Variants in GAS7 observed in about 807,000 individuals in gnomAD.
The protein encoded by GAS7 is growth arrest specific 7.
A neutral mutation model predicts 71.1 loss-of-function variants in GAS7; 28 were observed. That is an observed-to-expected ratio of 0.39 (90% CI 0.29 to 0.54). The LOEUF (loss-of-function observed/expected upper bound fraction) is 0.54, where lower values mean the gene tolerates loss of function less well. Among genes scored for constraint, GAS7 ranks in the 20% least tolerant of loss-of-function variants. The probability of loss-of-function intolerance (pLI) is 0.62; values close to 1 mark genes in which losing one functional copy is unlikely to be tolerated. For missense variants in GAS7, 436 were observed against 627.8 expected (o/e 0.69, Z 3.27); for synonymous variants, 258 against 245.8 (o/e 1.05, Z -0.46).
intron 5 of GAS7, among the ~76,000 whole-genome samples, chr17:9,954,604 G>A (rs1378598150): frequency 6.6e-6 from 1 of 152,136 alleles, no homozygotes; most frequent in African/African-American, 2.4e-5. Context: ...TGCCCATCCA[G>A]GGACAATTTT....
intron 1 of GAS7, among the ~76,000 whole-genome samples, chr17:10,079,353 T>G (rs1325027819): frequency 6.6e-6 from 1 of 152,236 alleles, no homozygotes; most frequent in South Asian, 2.1e-4. Flanking sequence ...CTCTAAAGTT[T>G]AACCTGAAAG....
At chr17:10,159,096 ATT>A (rs1213430853) in intron 1 of GAS7, among the ~76,000 whole-genome samples, 18 of 123,794 alleles carry the variant, frequency 1.5e-4, no homozygotes, top group Non-Finnish European at 2.9e-4. Context: ...ATATATATAT[ATT>A]AAAGATAACA....
chr17:10,004,971 T>C (rs528181905), intron 2 of GAS7, among the ~76,000 whole-genome samples: 15 of 152,126 alleles, frequency 9.9e-5, no homozygotes, highest in East Asian at 3.9e-4. Context: ...GATCGCGCCA[T>C]TGCACTCCAG....
At chr17:10,141,942 T>G (rs1287801465) in intron 1 of GAS7, among the ~76,000 whole-genome samples, 1 of 151,808 alleles carries the variant, frequency 6.6e-6, no homozygotes, top group Non-Finnish European at 1.5e-5. Context: ...AAAAGTTACA[T>G]AGTAGGCCGG....
intron 1 of GAS7, among the ~76,000 whole-genome samples, chr17:10,083,055 A>T (rs770313741): frequency 3.9e-5 from 6 of 152,208 alleles, no homozygotes; most frequent in African/African-American, 1.4e-4. Flanking sequence ...TTACACACTG[A>T]CTAATTCAAG....
intron 1 of GAS7, among the ~76,000 whole-genome samples, chr17:10,084,578 T>C (rs549887731): frequency 7.4e-4 from 112 of 152,276 alleles, no homozygotes; most frequent in African/African-American, 2.6e-3. Flanking sequence ...GTGATTCTCC[T>C]GCCTCAGCCT....
intron 1 of GAS7, among the ~76,000 whole-genome samples, chr17:10,099,417 C>T (rs752295358): frequency 8.5e-5 from 13 of 152,092 alleles, no homozygotes; most frequent in Non-Finnish European, 1.6e-4. Context: ...TCTTTCTGGC[C>T]GGTGAAAAGT....
At chr17:10,148,634 A>G (rs941820775) in intron 1 of GAS7, among the ~76,000 whole-genome samples, 18 of 149,112 alleles carry the variant, frequency 1.2e-4, no homozygotes, top group African/African-American at 4.0e-4. Flanking sequence ...AAAAAAGGCC[A>G]GGCGCGGTGG....
chr17:10,146,706 C>T (rs147053649), intron 1 of GAS7, among the ~76,000 whole-genome samples: 38 of 152,254 alleles, frequency 2.5e-4, no homozygotes, highest in Middle Eastern at 3.4e-3. Context: ...GATCTCTGGC[C>T]GGGCGCGGTG....
rs185318753 is a variant in GAS7, at chr17:10,070,660, G to A, written c.184-50763C>T. Among the ~76,000 whole-genome samples the A allele has an allele frequency of 3.2e-4, 48 of 152,132 alleles. No individual in the cohort carries two copies. The East Asian group carries it at 6.8e-3, about 22-fold the overall frequency. On this transcript the variant is annotated intron_variant, in intron 1 of 13. Coordinates refer to ENST00000432992, the MANE Select transcript of GAS7 (RefSeq NM_201433.2). ...ATCACAGGCGTGAGCCACTGTGCCCGGCCTCCCTTCATTCTCTTTCTGTTT... is the reference window on the plus strand; with the variant it reads ...ATCACAGGCGTGAGCCACTGTGCCCAGCCTCCCTTCATTCTCTTTCTGTTT...
Position 9,935,677 on chromosome 17 carries a change from C to A in GAS7, c.807-1433G>T, listed in dbSNP as rs995109965. 2.0e-5 allele frequency among the ~76,000 whole-genome samples: 3 copies of A among 152,206 alleles called. No individual in the cohort carries two copies. The East Asian group carries it at 5.8e-4, about 29-fold the overall frequency. ...CAGCCCTGTGTGGTGGTGGCGCAGG[C>A]TCAGGCCGAGGTGGGTGTTTATGGG... On this transcript the variant is annotated intron_variant, in intron 8 of 13. Transcript: ENST00000432992.
chr17:9,916,036 G>A lies in GAS7; in HGVS notation c.*1192C>T, dbSNP rs141520708. On this transcript the variant is annotated 3_prime_UTR_variant, in exon 14 of 14. Transcript: ENST00000432992. ...GGGCTCTGGAATGTCCAGAAGGAGC[G>A]GGAAGCAAAGGTGGCGGGACACTGC... 130 of 233,080 alleles carry A rather than the reference G, an allele frequency of 5.6e-4. 1 individual carries two copies. In the East Asian group the frequency reaches 7.4e-3, roughly 13 times the overall value. 14.4% of individuals were successfully genotyped at this position (233,080 alleles called of 1,614,324 possible).
intron 1 of GAS7, among the ~76,000 whole-genome samples, chr17:10,165,113 T>C (rs1050521396): frequency 5.6e-5 from 8 of 143,794 alleles, no homozygotes; most frequent in Non-Finnish European, 1.1e-4. Context: ...TGAAACCCCG[T>C]CTCTACTAAA....
chr17:10,126,380 ACACT>A (rs1004544448), intron 1 of GAS7, among the ~76,000 whole-genome samples: 14 of 150,348 alleles, frequency 9.3e-5, no homozygotes, highest in Admixed American at 3.3e-4. Context: ...ACACACCCAC[ACACT>A]CACGCACATG....
Position 10,173,159 on chromosome 17 carries a change from C to T in GAS7, c.183+25049G>A, listed in dbSNP as rs1389795398. 5.3e-5 allele frequency among the ~76,000 whole-genome samples: 8 copies of T among 152,026 alleles called. 1 individual carries two copies. In the South Asian group the frequency reaches 8.3e-4, roughly 16 times the overall value. On this transcript the variant is annotated intron_variant, in intron 1 of 13. Transcript: ENST00000432992. ...TAGAACCAGAAAACAGATGAGTGGT[C>T]GCCTGATGCTGGGGGCGGGCGAAGG...
In GAS7 at chr17:9,959,577, G is replaced by A. The variant is rs899769498; in HGVS notation, c.472-322C>T. Reference sequence around the variant, plus strand: ...CCTCCGCTGCCCTCTGCTGGTGAACGTTCCGCGTGCCGCTTGCTGCCTGAA... The same window carrying A: ...CCTCCGCTGCCCTCTGCTGGTGAACATTCCGCGTGCCGCTTGCTGCCTGAA... On this transcript the variant is annotated intron_variant, in intron 4 of 13. Coordinates refer to ENST00000432992, the MANE Select transcript of GAS7 (RefSeq NM_201433.2). The surrounding 1 kb of genome is among the most constrained non-coding windows in gnomAD (Gnocchi z 5.0). The A allele has an allele frequency of 2.9e-6, 2 of 701,246 alleles. No homozygotes were observed. The highest frequency in any genetic ancestry group is 4.1e-6 in the Non-Finnish European group (2 of 493,270). 43.4% of individuals were successfully genotyped at this position (701,246 alleles called of 1,614,324 possible).
At chr17:10,058,263 C>G (rs900312798) in intron 1 of GAS7, among the ~76,000 whole-genome samples, 7 of 136,784 alleles carry the variant, frequency 5.1e-5, no homozygotes, top group Admixed American at 3.4e-4. Flanking sequence ...AAAACAAAAA[C>G]AAAAACAAAA....
chr17:9,934,453 T>C (rs969288888), intron 8 of GAS7, among the ~76,000 whole-genome samples: 5 of 151,888 alleles, frequency 3.3e-5, no homozygotes, highest in Non-Finnish European at 5.9e-5. Flanking sequence ...GAGCTCACCT[T>C]ACCTCTGGAG....
intron 13 of GAS7, 54 bp from the exon 14 acceptor site, chr17:9,917,395 A>G: frequency 8.0e-7 from 1 of 1,245,470 alleles, no homozygotes. Flanking sequence ...CAAGCCAGGG[A>G]GGTCTCCTCT....
Sources: allele counts gnomAD v4.1 joint callset (sites outside exome capture counted in the v4.1 genomes callset), GRCh38; gene constraint gnomAD v4.1.1; non-coding constraint Gnocchi (gnomAD v3.1); transcripts MANE v1.5; gene names NCBI Gene and HGNC (gene_info 2026-07-23, HGNC 2026-07-21).